ZNF782: variants seen among roughly 807,000 people sequenced by gnomAD.
ZNF782 encodes the protein zinc finger protein 782.
ZNF782 carries 12 observed loss-of-function variants against 13.0 expected under a neutral mutation model. The observed-to-expected ratio is 0.92, with a 90% confidence interval of 0.59 to 1.50. ZNF782 has a LOEUF of 1.50. Among genes scored for constraint, ZNF782 ranks in the 40% most tolerant of loss-of-function variants. The pLI is 0.00. For synonymous variants in ZNF782, 284 were observed against 283.0 expected (o/e 1.00, Z -0.04); for missense variants, 770 against 822.9 (o/e 0.94, Z 0.79).
At chr9:96,933,209 C>A in the ZNF782 span, among the ~76,000 whole-genome samples, 105 of 150,090 alleles carry the variant, frequency 7.0e-4, no homozygotes, top group Non-Finnish European at 1.2e-3. Flanking sequence ...CAATCTCCTG[C>A]CCTGGTGATT....
At chr9:96,820,441 T>C (rs1011123312) in intron 5 of ZNF782, among the ~76,000 whole-genome samples, 10 of 152,176 alleles carry the variant, frequency 6.6e-5, no homozygotes, top group Admixed American at 5.2e-4. Flanking sequence ...AAATGTAAAA[T>C]TGATGGGAGT....
At chr9:96,845,125 T>C in intron 3 of ZNF782, 109 bp from the exon 4 acceptor site, 1 of 1,359,278 alleles carries the variant, frequency 7.4e-7, no homozygotes, top group Non-Finnish European at 1.0e-6. Flanking sequence ...AACAAAATGC[T>C]ATAAGGGATT....
At chr9:96,901,270 C>CTTTTT in the ZNF782 span, among the ~76,000 whole-genome samples, 4 of 126,910 alleles carry the variant, frequency 3.2e-5, no homozygotes, top group Non-Finnish European at 3.3e-5. Flanking sequence ...TGAAAAAAAA[C>CTTTTT]TTTTTTTTTT....
rs1269099768 is a variant in ZNF782, at chr9:96,818,478, G to C, written c.1545C>G (p.Phe515Leu). Reference protein sequence around the residue: ...PYKCDECGKAFKLKSGLRKHH... With the variant: ...PYKCDECGKALKLKSGLRKHH... ...GTTTCCTCAGGCCTGACTTCAGTTT[G>C]AAAGCTTTCCCACATTCATCACATT... The change falls in exon 6 of 6, where the codon TTC becomes TTG. Residue 515 changes from phenylalanine to leucine, a missense_variant. Transcript: ENST00000481138. The C allele has an allele frequency of 1.9e-6, 3 of 1,613,914 alleles. No homozygotes were observed. Among genetic ancestry groups the C allele is most frequent in the South Asian group, 2.2e-5 (2 of 91,086 alleles).
At chr9:96,849,593 G>C (rs1395648409) in intron 3 of ZNF782, among the ~76,000 whole-genome samples, 1 of 152,196 alleles carries the variant, frequency 6.6e-6, no homozygotes, top group Non-Finnish European at 1.5e-5. Context: ...AACTCTTCTA[G>C]ACATCAGCCT....
the ZNF782 span, among the ~76,000 whole-genome samples, chr9:96,930,869 G>A: frequency 9.2e-6 from 1 of 109,088 alleles, no homozygotes; most frequent in African/African-American, 3.5e-5. Context: ...TTTCCATCCA[G>A]TGGTTTTTTT....
the ZNF782 span, among the ~76,000 whole-genome samples, chr9:96,880,665 T>C: frequency 6.6e-6 from 1 of 152,236 alleles, no homozygotes; most frequent in Non-Finnish European, 1.5e-5. Context: ...TCTTTCTTTT[T>C]ATGTATTAAT....
intron 1 of ZNF782, among the ~76,000 whole-genome samples, chr9:96,864,211 C>T (rs888802787): frequency 6.6e-6 from 1 of 150,912 alleles, no homozygotes; most frequent in Admixed American, 6.6e-5. Flanking sequence ...GTATGCTATT[C>T]AGCCATTTAA....
At chr9:96,854,920 TTA>T (rs1491264657), upstream of ZNF782, among the ~76,000 whole-genome samples, 1 of 152,086 alleles carries the variant, frequency 6.6e-6, no homozygotes, top group African/African-American at 2.4e-5. Flanking sequence ...AATTTTTTTT[TTA>T]AAAAAAGGGA....
At chr9:96,876,743 C>T (rs1349655507), upstream of ZNF782, among the ~76,000 whole-genome samples, 4 of 151,988 alleles carry the variant, frequency 2.6e-5, no homozygotes, top group African/African-American at 9.7e-5. Context: ...CTGTGGCTCA[C>T]GCCTGTAATC....
intron 5 of ZNF782, among the ~76,000 whole-genome samples, chr9:96,821,433 G>C (rs1450724208): frequency 6.6e-6 from 1 of 152,030 alleles, no homozygotes; most frequent in Non-Finnish European, 1.5e-5. Context: ...ACATACAAAA[G>C]GCTTCTTGTG....
the ZNF782 span, among the ~76,000 whole-genome samples, chr9:96,901,737 G>C: frequency 2.0e-5 from 3 of 151,302 alleles, no homozygotes; most frequent in African/African-American, 4.9e-5. Flanking sequence ...GCTGGGCGTG[G>C]GGCATGGTGG....
At chr9:96,912,370 C>CA in the ZNF782 span, among the ~76,000 whole-genome samples, 1 of 148,278 alleles carries the variant, frequency 6.7e-6, no homozygotes. Context: ...ACTAAAAATA[C>CA]AAAAAATTGG....
intron 4 of ZNF782, among the ~76,000 whole-genome samples, chr9:96,838,566 G>A (rs1308248077): frequency 1.3e-5 from 2 of 151,928 alleles, no homozygotes; most frequent in African/African-American, 4.8e-5. Context: ...TAAATGTCTA[G>A]GGCTGTTATG....
chr9:96,862,895 G>A (rs972928015), intron 1 of ZNF782, among the ~76,000 whole-genome samples: 4 of 152,138 alleles, frequency 2.6e-5, no homozygotes, highest in East Asian at 1.9e-4. Context: ...ATCTGGCGGC[G>A]GTGGGTGGCT....
intron 5 of ZNF782, among the ~76,000 whole-genome samples, chr9:96,826,065 C>G (rs1195550040): frequency 6.6e-6 from 1 of 152,146 alleles, no homozygotes; most frequent in Non-Finnish European, 1.5e-5. Flanking sequence ...ACCCAAAGGA[C>G]TATAAATCAT....
At chr9:96,829,742 T>TA (rs1334805347) in intron 4 of ZNF782, among the ~76,000 whole-genome samples, 5 of 151,982 alleles carry the variant, frequency 3.3e-5, no homozygotes, top group African/African-American at 1.2e-4. Context: ...TTAAAAGGAT[T>TA]AAAAAATCTT....
chr9:96,907,565 G>T, the ZNF782 span, among the ~76,000 whole-genome samples: 2 of 152,278 alleles, frequency 1.3e-5, no homozygotes, highest in African/African-American at 4.8e-5. Flanking sequence ...GTCCCATTCT[G>T]TTCCATTGAT....
chr9:96,885,052 T>A, the ZNF782 span, among the ~76,000 whole-genome samples: 1 of 151,802 alleles, frequency 6.6e-6, no homozygotes, highest in African/African-American at 2.4e-5. Flanking sequence ...GGATTAAATT[T>A]AAAAAAGATT....
Sources: gnomAD v4.1 joint callset for allele counts (sites outside exome capture counted in the v4.1 genomes callset) on GRCh38, gnomAD v4.1.1 for gene constraint, MANE v1.5 for transcripts, NCBI Gene and HGNC (gene_info 2026-07-23, HGNC 2026-07-21) for gene names.